AEBP2: variants seen among roughly 807,000 people sequenced by gnomAD.
AEBP2 encodes AE binding protein 2.
AEBP2 carries 10 observed loss-of-function variants against 50.8 expected under a neutral mutation model. The observed-to-expected ratio is 0.20, with a 90% CI of 0.12 to 0.33. The LOEUF (loss-of-function observed/expected upper bound fraction) is 0.33. Ranked by LOEUF, AEBP2 falls within the 10% of genes least tolerant of loss-of-function variation. The pLI, the probability that AEBP2 is intolerant of heterozygous loss-of-function variation, is 1.00. For missense variants in AEBP2, 570 were observed against 688.0 expected (o/e 0.83, Z 1.92); for synonymous variants, 296 against 261.3 (o/e 1.13, Z -1.28).
chr12:19,445,801 T>C (rs1280738957), intron 1 of AEBP2: 1 of 152,202 alleles, frequency 6.6e-6, no homozygotes, highest in Non-Finnish European at 1.5e-5. Flanking sequence ...TCTATGACTG[T>C]TCTGTGGTGG....
intron 1 of AEBP2, among the ~76,000 whole-genome samples, chr12:19,411,090 CAG>C (rs1268538849): frequency 6.6e-6 from 1 of 152,062 alleles, no homozygotes; most frequent in African/African-American, 2.4e-5. Flanking sequence ...GGGATGTTAA[CAG>C]ATGTGGAACA....
chr12:19,407,002 C>T (rs914038243), intron 1 of AEBP2, among the ~76,000 whole-genome samples: 4 of 152,052 alleles, frequency 2.6e-5, no homozygotes, highest in Admixed American at 1.3e-4. Context: ...AAATTTTTTA[C>T]GTTTAAAAAA....
chr12:19,440,777 A>T (rs764248484), intron 1 of AEBP2: 3 of 1,532,894 alleles, frequency 2.0e-6, no homozygotes, highest in Non-Finnish European at 2.6e-6. Context: ...ACTACAATTG[A>T]CAAGTGTTTC....
intron 1 of AEBP2, chr12:19,440,817 A>C: frequency 1.3e-6 from 2 of 1,490,106 alleles, no homozygotes; most frequent in Non-Finnish European, 1.8e-6. Flanking sequence ...TGGATTTAAC[A>C]GAACTTCCTT....
intron 1 of AEBP2, among the ~76,000 whole-genome samples, chr12:19,422,564 T>C (rs1015027554): frequency 2.6e-5 from 4 of 151,984 alleles, no homozygotes; most frequent in African/African-American, 9.7e-5. Context: ...TGGTGCAATA[T>C]TGGCTCACTG....
chr12:19,459,254 CAG>C (rs1457907152), intron 1 of AEBP2, among the ~76,000 whole-genome samples: 1 of 151,578 alleles, frequency 6.6e-6, no homozygotes, highest in African/African-American at 2.4e-5. Flanking sequence ...TTTTTTGAGA[CAG>C]AGTCTCGCTC....
At chr12:19,476,935 C>T (rs1020393062) in intron 3 of AEBP2, among the ~76,000 whole-genome samples, 1 of 152,100 alleles carries the variant, frequency 6.6e-6, no homozygotes, top group African/African-American at 2.4e-5. Flanking sequence ...TTAATTCTAC[C>T]CATCCATGAG....
chr12:19,481,642 C>A (rs1433829146), intron 3 of AEBP2, among the ~76,000 whole-genome samples: 1 of 152,008 alleles, frequency 6.6e-6, no homozygotes, highest in African/African-American at 2.4e-5. Flanking sequence ...ACATGCCTGG[C>A]TAAATTTTGT....
chr12:19,517,585 T>G (rs990976302), intron 7 of AEBP2, among the ~76,000 whole-genome samples: 4 of 152,238 alleles, frequency 2.6e-5, no homozygotes, highest in Non-Finnish European at 4.4e-5. Flanking sequence ...TTTCCTTGGA[T>G]TTTGGAATCT....
intron 1 of AEBP2, among the ~76,000 whole-genome samples, chr12:19,430,090 T>C (rs1437928841): frequency 5.9e-5 from 9 of 152,154 alleles, no homozygotes; most frequent in Non-Finnish European, 1.3e-4. Context: ...GGTTTTCTTC[T>C]AGGGTTTTTA....
At chr12:19,498,249 C>T (rs1468111605) in intron 4 of AEBP2, among the ~76,000 whole-genome samples, 1 of 152,070 alleles carries the variant, frequency 6.6e-6, no homozygotes, top group Non-Finnish European at 1.5e-5. Context: ...TTCGAGTAGC[C>T]ACTTATCTAA....
chr12:19,455,353 C>T (rs751978318), intron 1 of AEBP2, among the ~76,000 whole-genome samples: 1 of 152,124 alleles, frequency 6.6e-6, no homozygotes, highest in Non-Finnish European at 1.5e-5. Context: ...TAAGACAACA[C>T]TTGGCAAGTG....
intron 6 of AEBP2, among the ~76,000 whole-genome samples, chr12:19,513,770 T>C (rs1489598604): frequency 6.6e-6 from 1 of 152,066 alleles, no homozygotes; most frequent in East Asian, 1.9e-4. Context: ...TTCAAAAAAG[T>C]CAAATTCAAA....
chr12:19,485,682 C>CAGAG (rs370301903), intron 3 of AEBP2, among the ~76,000 whole-genome samples: 1 of 123,300 alleles, frequency 8.1e-6, no homozygotes, highest in Admixed American at 9.4e-5. Flanking sequence ...GCCTGGGTGA[C>CAGAG]AGAGAGAGAG....
chr12:19,504,440 C>T (rs1201957415), intron 5 of AEBP2, among the ~76,000 whole-genome samples: 1 of 151,408 alleles, frequency 6.6e-6, no homozygotes, highest in Non-Finnish European at 1.5e-5. Context: ...CGGGATTTCA[C>T]CGTGTTAGCA....
rs1949384870 is a variant in AEBP2 at position 19,520,748 on chromosome 12, T to C, written c.*2631T>C. On this transcript the variant is annotated 3_prime_UTR_variant, in exon 8 of 8. Transcript: ENST00000266508. Reference sequence around the variant, plus strand: ...AGTGGCAGAATTGAGTGGTGAGACCTTAGGTCCTGCAAGCCCCCAATTTTT... The same window carrying C: ...AGTGGCAGAATTGAGTGGTGAGACCCTAGGTCCTGCAAGCCCCCAATTTTT... 1.3e-5 allele frequency: 2 copies of C among 152,174 alleles called. No homozygotes were observed. The highest frequency in any genetic ancestry group is 4.8e-5 in the African/African-American group (2 of 41,442). The allele number at this position is 152,174 out of a possible 1,614,324, so 9.4% of individuals were successfully genotyped here.
At chr12:19,430,620 C>G (rs1002411299) in intron 1 of AEBP2, among the ~76,000 whole-genome samples, 1 of 152,124 alleles carries the variant, frequency 6.6e-6, no homozygotes, top group South Asian at 2.1e-4. Flanking sequence ...CATGGAATGT[C>G]CTTCCATTTG....
chr12:19,504,949 T>G (rs1592778140), intron 5 of AEBP2, among the ~76,000 whole-genome samples: 2 of 152,128 alleles, frequency 1.3e-5, no homozygotes, highest in African/African-American at 4.8e-5. Flanking sequence ...GAAAATTAGA[T>G]GCAAAGGAAA....
intron 1 of AEBP2, among the ~76,000 whole-genome samples, chr12:19,448,713 T>C (rs939432663): frequency 6.6e-6 from 1 of 152,110 alleles, no homozygotes; most frequent in Non-Finnish European, 1.5e-5. Flanking sequence ...AGGGTCTTGC[T>C]CTGTCACTCA....
Sources: allele counts gnomAD v4.1 joint callset (sites outside exome capture counted in the v4.1 genomes callset), GRCh38; gene constraint gnomAD v4.1.1; transcripts MANE v1.5; gene names NCBI Gene and HGNC (gene_info 2026-07-23, HGNC 2026-07-21).